The following CACNB2 variants were observed in gnomAD, a reference collection of about 807,000 sequenced individuals.
CACNB2 encodes calcium voltage-gated channel auxiliary subunit beta 2.
Under a neutral mutation model 73.3 loss-of-function variants are expected in CACNB2, and 42 were observed. The ratio of observed to expected loss-of-function variants is 0.57; its 90% CI spans 0.45 to 0.74. CACNB2 has a LOEUF of 0.74. Among genes scored for constraint, CACNB2 ranks in the 30% least tolerant of loss-of-function variants. The probability of loss-of-function intolerance (pLI) is 0.00; values close to 1 mark genes in which losing one functional copy is unlikely to be tolerated. For synonymous variants in CACNB2, 348 were observed against 310.3 expected (o/e 1.12, Z -1.28); for missense variants, 940 against 853.0 (o/e 1.10, Z -1.27).
rs1588737067 is a variant in CACNB2 at position 18,220,234 on chromosome 10, G to GAC, written c.213+69260_213+69261insCA. Among the ~76,000 whole-genome samples, 3 of 30,212 alleles carry GAC rather than the reference G, an allele frequency of 9.9e-5. 1 individual carries two copies. The East Asian group carries it at 3.0e-3, about 30-fold the overall frequency. 19.8% of individuals were successfully genotyped at this position (30,212 alleles called of 152,430 possible). On this transcript the variant is annotated intron_variant, in intron 2 of 13. Transcript: ENST00000324631. ...ATATATATATATATATATATATATA[G>GAC]AGAGAGAGAGAGAGAGAGAGAGAGA... is the stretch of plus-strand genomic sequence containing the variant.
intron 3 of CACNB2, among the ~76,000 whole-genome samples, chr10:18,463,944 C>T (rs1410888165): frequency 1.3e-5 from 2 of 152,130 alleles, no homozygotes; most frequent in Non-Finnish European, 2.9e-5. Flanking sequence ...CTCCCTTCCT[C>T]TCCTCTTCAT....
chr10:18,432,536 T>G (rs994137336), intron 3 of CACNB2, among the ~76,000 whole-genome samples: 1 of 151,916 alleles, frequency 6.6e-6, no homozygotes, highest in Non-Finnish European at 1.5e-5. Context: ...AAAATACATT[T>G]TCAAAAACAT....
chr10:18,481,203 TATATATATATATATATATATATA>T (rs1290092170), intron 3 of CACNB2, among the ~76,000 whole-genome samples: 372 of 15,564 alleles, frequency 0.024, 35 homozygotes, highest in Non-Finnish European at 0.026. Context: ...TATATATATA[TATATATATATATATATATATATA>T]TATATTTTTT....
At chr10:18,461,205 C>T (rs1252357275) in intron 3 of CACNB2, among the ~76,000 whole-genome samples, 4 of 152,176 alleles carry the variant, frequency 2.6e-5, no homozygotes, top group Admixed American at 6.5e-5. Context: ...TGAGCCACTG[C>T]GCCCTGCCTT....
At chr10:18,158,045 G>T (rs59125219) in intron 2 of CACNB2, among the ~76,000 whole-genome samples, 1,532 of 152,284 alleles carry the variant, frequency 0.01, 26 homozygotes, top group African/African-American at 0.035. Flanking sequence ...AATTGGAGGA[G>T]CATTTATTTT....
At chr10:18,318,316 C>G (rs112475801) in intron 2 of CACNB2, among the ~76,000 whole-genome samples, 1 of 151,948 alleles carries the variant, frequency 6.6e-6, no homozygotes, top group Non-Finnish European at 1.5e-5. Flanking sequence ...TCAGAAATAA[C>G]GCTGCATGTC....
At chr10:18,489,752 A>G (rs2049300147) in intron 3 of CACNB2, among the ~76,000 whole-genome samples, 1 of 152,222 alleles carries the variant, frequency 6.6e-6, no homozygotes, top group African/African-American at 2.4e-5. Flanking sequence ...TACAAGGTAA[A>G]GAAGGACCTA....
Position 18,541,543 on chromosome 10 carries a change from C to G in CACNB2, c.*1819C>G, listed in dbSNP as rs576273726. On this transcript the variant is annotated 3_prime_UTR_variant, in exon 14 of 14. Coordinates refer to ENST00000324631, the MANE Select transcript of CACNB2 (RefSeq NM_201596.3). ...ATGCCTGTGTATAATTACCTAACTT[C>G]AGATCTGCACATTAACTTATTTAAC... The G allele has an allele frequency of 6.6e-6, 1 of 152,238 alleles. No individual in the cohort carries two copies. Among genetic ancestry groups the G allele is most frequent in the African/African-American group, 2.4e-5 (1 of 41,534 alleles). The allele number at this position is 152,238 out of a possible 1,614,324, so 9.4% of individuals were successfully genotyped here.
At position 18,526,004 on chromosome 10, in the gene CACNB2, C is replaced by G. The variant is rs886952689; in HGVS notation, c.945-1584C>G. ...AATTGATTTTTCTGTTTGTTTTGCT[C>G]TCTCATGAGGTTTTCTGAAGATGCC... On this transcript the variant is annotated intron_variant, in intron 9 of 13. Transcript: ENST00000324631. 5.3e-5 allele frequency among the ~76,000 whole-genome samples: 8 copies of G among 152,258 alleles called. No homozygotes were observed. In the East Asian group the frequency reaches 1.4e-3, roughly 26 times the overall value.
intron 3 of CACNB2, among the ~76,000 whole-genome samples, chr10:18,456,424 A>G (rs573362347): frequency 3.7e-4 from 56 of 152,198 alleles, no homozygotes; most frequent in Non-Finnish European, 6.0e-4. Flanking sequence ...GATCACACCC[A>G]CTACACTCCA....
chr10:18,387,948 G>T (rs546266750), intron 2 of CACNB2, among the ~76,000 whole-genome samples: 15 of 152,072 alleles, frequency 9.9e-5, no homozygotes, highest in African/African-American at 3.6e-4. Context: ...GTACAGATGG[G>T]GTCTCGTTAT....
chr10:18,336,504 A>C (rs2041012003), intron 2 of CACNB2, among the ~76,000 whole-genome samples: 1 of 152,196 alleles, frequency 6.6e-6, no homozygotes, highest in African/African-American at 2.4e-5. Flanking sequence ...CTGTAATTCC[A>C]GCTACTCGAG....
intron 9 of CACNB2, among the ~76,000 whole-genome samples, chr10:18,522,827 G>A (rs550892173): frequency 8.5e-5 from 12 of 141,058 alleles, no homozygotes; most frequent in Middle Eastern, 4.0e-3. Flanking sequence ...GCAGTGAGCC[G>A]AGATCGTGCC....
chr10:18,492,533 A>C (rs946338013), intron 3 of CACNB2, among the ~76,000 whole-genome samples: 1 of 149,872 alleles, frequency 6.7e-6, no homozygotes, highest in Non-Finnish European at 1.5e-5. Flanking sequence ...AGGCAAGAGA[A>C]TCACTTGAAC....
At chr10:18,518,869 T>G (rs1323018218) in intron 8 of CACNB2, 41 bp from the exon 9 acceptor site, 3 of 1,560,172 alleles carry the variant, frequency 1.9e-6, no homozygotes, top group Non-Finnish European at 2.7e-6. Flanking sequence ...GTTAGTAATT[T>G]TTTTTGGTCA....
At chr10:18,303,033 C>T (rs920781045) in intron 2 of CACNB2, among the ~76,000 whole-genome samples, 3 of 152,022 alleles carry the variant, frequency 2.0e-5, no homozygotes, top group African/African-American at 7.3e-5. Context: ...TGAAGCTTCA[C>T]GGGGGTCTCC....
intron 2 of CACNB2, among the ~76,000 whole-genome samples, chr10:18,153,433 T>C (rs2131047914): frequency 6.6e-6 from 1 of 152,218 alleles, no homozygotes; most frequent in African/African-American, 2.4e-5. Flanking sequence ...TAAAACAGCA[T>C]TCCCATTTTG....
intron 3 of CACNB2, among the ~76,000 whole-genome samples, chr10:18,471,776 A>C (rs959615904): frequency 6.6e-6 from 1 of 152,218 alleles, no homozygotes; most frequent in Admixed American, 6.5e-5. Flanking sequence ...AGGGATCTTA[A>C]AAATGTCCTT....
chr10:18,324,256 A>G (rs954523981), intron 2 of CACNB2, among the ~76,000 whole-genome samples: 7 of 152,234 alleles, frequency 4.6e-5, no homozygotes, highest in Non-Finnish European at 8.8e-5. Context: ...ATTATAAACA[A>G]TATGCAATGG....
Sources: allele counts gnomAD v4.1 joint callset (sites outside exome capture counted in the v4.1 genomes callset), GRCh38; gene constraint gnomAD v4.1.1; transcripts MANE v1.5; gene names NCBI Gene and HGNC (gene_info 2026-07-23, HGNC 2026-07-21).